SLC35F3: variants seen among roughly 807,000 people sequenced by gnomAD.
SLC35F3 encodes solute carrier family 35 member F3, also known as putative thiamine transporter SLC35F3.
SLC35F3 carries 25 observed loss-of-function variants against 49.9 expected under a neutral mutation model. That is an observed-to-expected ratio of 0.50 (90% confidence interval 0.37 to 0.70). The LOEUF is 0.70. SLC35F3 is among the 30% of genes least tolerant of loss of function. SLC35F3 has a pLI of 0.00. For synonymous variants in SLC35F3, 275 were observed against 265.4 expected (o/e 1.04, Z -0.35); for missense variants, 525 against 639.8 (o/e 0.82, Z 1.94).
At chr1:234,109,846 G>GGGAT (rs1240103038) in intron 2 of SLC35F3, among the ~76,000 whole-genome samples, 2 of 152,154 alleles carry the variant, frequency 1.3e-5, no homozygotes, top group Non-Finnish European at 2.9e-5. Context: ...CACAGTAATA[G>GGGAT]GGATACTTTC....
chr1:234,281,528 T>C (rs189561728), intron 3 of SLC35F3, among the ~76,000 whole-genome samples: 76 of 152,298 alleles, frequency 5.0e-4, no homozygotes, highest in African/African-American at 1.5e-3. Context: ...CACTTTTTCA[T>C]TGGAAACAGT....
intron 2 of SLC35F3, among the ~76,000 whole-genome samples, chr1:234,034,103 T>A (rs1396584701): frequency 6.6e-6 from 1 of 152,224 alleles, no homozygotes; most frequent in Admixed American, 6.5e-5. Context: ...AAGTATTTTA[T>A]GTTTTTTGCA....
intron 2 of SLC35F3, among the ~76,000 whole-genome samples, chr1:234,152,175 AT>A (rs1483558402): frequency 6.6e-6 from 1 of 151,148 alleles, no homozygotes; most frequent in East Asian, 1.9e-4. Flanking sequence ...AAGATAATCA[AT>A]TTTTTGACAG....
intron 2 of SLC35F3, among the ~76,000 whole-genome samples, chr1:234,157,349 C>T (rs903108783): frequency 6.6e-6 from 1 of 152,128 alleles, no homozygotes; most frequent in Admixed American, 6.6e-5. Context: ...TAAACATAAG[C>T]CAGATCACGC....
chr1:234,168,170 C>T (rs1481774474), intron 2 of SLC35F3, among the ~76,000 whole-genome samples: 1 of 152,228 alleles, frequency 6.6e-6, no homozygotes, highest in Non-Finnish European at 1.5e-5. Flanking sequence ...AGCCATGGTG[C>T]AGACTCAATG....
intron 2 of SLC35F3, among the ~76,000 whole-genome samples, chr1:233,972,948 T>A (rs1404036138): frequency 6.6e-6 from 1 of 152,204 alleles, no homozygotes; most frequent in East Asian, 1.9e-4. Context: ...CACTGTGCCT[T>A]GCCCTTCCCC....
Position 234,304,341 on chromosome 1 carries a change from T to C in SLC35F3, c.609-4760T>C, listed in dbSNP as rs541528205. ...CACACCAGATAATTTTTATATTTTT[T>C]TAGTAGAGGCAGGGTTTCACCATAT... On this transcript the variant is annotated intron_variant, in intron 3 of 7. Coordinates refer to ENST00000366618, the MANE Select transcript of SLC35F3 (RefSeq NM_173508.4). Among the ~76,000 whole-genome samples, 13 of 152,212 alleles carry C rather than the reference T, an allele frequency of 8.5e-5. No individual in the cohort carries two copies. The South Asian group carries it at 2.7e-3, about 32-fold the overall frequency.
intron 3 of SLC35F3, among the ~76,000 whole-genome samples, chr1:234,264,049 C>A (rs1667945378): frequency 6.6e-6 from 1 of 152,134 alleles, no homozygotes; most frequent in Non-Finnish European, 1.5e-5. Flanking sequence ...GCAGAGGTTG[C>A]AGTGAGCCAA....
intron 2 of SLC35F3, among the ~76,000 whole-genome samples, chr1:233,951,201 C>T (rs1662601772): frequency 6.6e-6 from 1 of 151,866 alleles, no homozygotes; most frequent in Non-Finnish European, 1.5e-5. Flanking sequence ...TGATGGACTG[C>T]ATATGCAATG....
chr1:234,284,743 T>C (rs1055119318), intron 3 of SLC35F3, among the ~76,000 whole-genome samples: 3 of 152,192 alleles, frequency 2.0e-5, no homozygotes, highest in African/African-American at 7.2e-5. Context: ...TCGTTCTGAA[T>C]GATGATGCTC....
chr1:234,042,000 T>C (rs1664228813), intron 2 of SLC35F3, among the ~76,000 whole-genome samples: 1 of 152,138 alleles, frequency 6.6e-6, no homozygotes, highest in Admixed American at 6.5e-5. Flanking sequence ...GTGGGGCCCA[T>C]GCATGTAGAA....
intron 2 of SLC35F3, among the ~76,000 whole-genome samples, chr1:234,145,037 G>A (rs1330942220): frequency 2.0e-5 from 3 of 152,172 alleles, no homozygotes; most frequent in Admixed American, 2.0e-4. Flanking sequence ...TTGAACAATT[G>A]TAGTATCCTC....
chr1:234,114,795 A>G (rs946907256), intron 2 of SLC35F3, among the ~76,000 whole-genome samples: 3 of 152,220 alleles, frequency 2.0e-5, no homozygotes, highest in African/African-American at 7.2e-5. Flanking sequence ...CTAAAGGAGT[A>G]TAATTTAAGC....
intron 2 of SLC35F3, among the ~76,000 whole-genome samples, chr1:234,043,786 C>A (rs187655513): frequency 1.1e-3 from 171 of 152,286 alleles, no homozygotes; most frequent in Non-Finnish European, 1.9e-3. Flanking sequence ...TTGTATTATT[C>A]TATACATAGC....
intron 2 of SLC35F3, among the ~76,000 whole-genome samples, chr1:234,038,123 C>G: frequency 8.1e-6 from 1 of 123,258 alleles, no homozygotes; most frequent in Non-Finnish European, 1.7e-5. Context: ...CTCCCCCCAC[C>G]CCACAACAGT....
chr1:233,935,658 G>A (rs1024024426), intron 2 of SLC35F3, among the ~76,000 whole-genome samples: 1 of 152,120 alleles, frequency 6.6e-6, no homozygotes, highest in Non-Finnish European at 1.5e-5. Flanking sequence ...AGCTTATGTT[G>A]CCTTGAGAGG....
chr1:234,118,872 C>A (rs900646487), intron 2 of SLC35F3, among the ~76,000 whole-genome samples: 26 of 148,734 alleles, frequency 1.7e-4, no homozygotes, highest in Non-Finnish European at 3.7e-4. Context: ...TTATTTTTTT[C>A]TTTTTTTCTT....
chr1:234,146,019 A>G (rs1665990226), intron 2 of SLC35F3, among the ~76,000 whole-genome samples: 1 of 152,030 alleles, frequency 6.6e-6, no homozygotes, highest in Non-Finnish European at 1.5e-5. Context: ...TTTTGTTTTA[A>G]TTGAACCTCT....
intron 2 of SLC35F3, among the ~76,000 whole-genome samples, chr1:234,121,159 C>G (rs1334609299): frequency 9.0e-6 from 1 of 111,400 alleles, no homozygotes; most frequent in Non-Finnish European, 1.7e-5. Flanking sequence ...TTTTTTGAGA[C>G]GGAGTCTTGC....
Sources: gnomAD v4.1 joint callset for allele counts (sites outside exome capture counted in the v4.1 genomes callset) on GRCh38, gnomAD v4.1.1 for gene constraint, MANE v1.5 for transcripts, NCBI Gene and HGNC (gene_info 2026-07-23, HGNC 2026-07-21) for gene names.